Variants in MARK1 observed in about 807,000 individuals in gnomAD.
MARK1 encodes serine/threonine-protein kinase MARK1.
A neutral mutation model predicts 96.3 loss-of-function variants in MARK1; 40 were observed. The observed-to-expected ratio is 0.42, with a 90% CI of 0.32 to 0.54. The LOEUF is 0.54. Ranked by LOEUF, MARK1 falls within the 20% of genes least tolerant of loss-of-function variation. MARK1 has a pLI of 0.16. For synonymous variants in MARK1, 317 were observed against 341.2 expected (o/e 0.93, Z 0.78); for missense variants, 719 against 984.6 (o/e 0.73, Z 3.61).
At chr1:220,639,836 A>G (rs1558316580) in intron 13 of MARK1, among the ~76,000 whole-genome samples, 1 of 152,216 alleles carries the variant, frequency 6.6e-6, no homozygotes, top group Non-Finnish European at 1.5e-5. Context: ...TAATTTAGAG[A>G]GTAGTTATTT....
At chr1:220,539,072 C>G (rs1298591170) in intron 1 of MARK1, among the ~76,000 whole-genome samples, 1 of 152,064 alleles carries the variant, frequency 6.6e-6, no homozygotes, top group Non-Finnish European at 1.5e-5. Context: ...CCTTCTCCTG[C>G]CTAATTGCCT....
intron 3 of MARK1, among the ~76,000 whole-genome samples, chr1:220,585,052 A>G (rs1358989440): frequency 1.3e-5 from 2 of 152,244 alleles, no homozygotes; most frequent in Non-Finnish European, 2.9e-5. Flanking sequence ...TTGTGAAATG[A>G]TATGTAGACT....
At chr1:220,621,682 TA>T (rs1253303527) in intron 9 of MARK1, among the ~76,000 whole-genome samples, 3 of 151,762 alleles carry the variant, frequency 2.0e-5, no homozygotes, top group East Asian at 1.9e-4. Context: ...TTTCCACATT[TA>T]AAAAAAATGG....
chr1:220,537,595 T>C (rs569090269), intron 1 of MARK1, among the ~76,000 whole-genome samples: 1 of 141,394 alleles, frequency 7.1e-6, no homozygotes, highest in South Asian at 2.5e-4. Flanking sequence ...CCTTTGGGTA[T>C]ATACCCAGTA....
intron 7 of MARK1, among the ~76,000 whole-genome samples, chr1:220,617,900 A>C (rs1666845259): frequency 6.6e-6 from 1 of 152,208 alleles, no homozygotes; most frequent in Non-Finnish European, 1.5e-5. Flanking sequence ...ATACCCTATT[A>C]AAATAGAGCT....
chr1:220,604,897 C>T (rs930442039), intron 6 of MARK1, among the ~76,000 whole-genome samples: 6 of 151,988 alleles, frequency 3.9e-5, no homozygotes, highest in Non-Finnish European at 7.4e-5. Flanking sequence ...ATAAAATTTA[C>T]TAAAGTTTAA....
intron 9 of MARK1, among the ~76,000 whole-genome samples, chr1:220,622,707 G>A (rs931393051): frequency 3.9e-5 from 6 of 152,048 alleles, no homozygotes; most frequent in African/African-American, 1.4e-4. Context: ...GACCAGCCTG[G>A]GCAACATGGA....
chr1:220,533,767 A>G (rs1003545671), intron 1 of MARK1, among the ~76,000 whole-genome samples: 2 of 152,102 alleles, frequency 1.3e-5, no homozygotes, highest in African/African-American at 2.4e-5. Flanking sequence ...AGTTATGGGA[A>G]TGTACCAACC....
chr1:220,570,295 A>G (rs1224349517), intron 1 of MARK1, among the ~76,000 whole-genome samples: 1 of 152,094 alleles, frequency 6.6e-6, no homozygotes, highest in African/African-American at 2.4e-5. Flanking sequence ...CTCAGAATGT[A>G]ATGATTATTA....
chr1:220,580,450 TC>T (rs923642675), intron 2 of MARK1, among the ~76,000 whole-genome samples: 6 of 151,940 alleles, frequency 3.9e-5, no homozygotes, highest in Admixed American at 3.3e-4. Flanking sequence ...CACTCCAGCC[TC>T]AGCAACAGAG....
Position 220,657,824 on chromosome 1 carries a change from G to A in MARK1, c.2023G>A (p.Asp675Asn), listed in dbSNP as rs1669258323. The change falls in exon 17 of 18, where the codon GAC (aspartate) becomes AAC (asparagine). Residue 675 changes from aspartate to asparagine, a missense_variant. Transcript: ENST00000366917. ...PSEGEASGRT[D>N]TSRSTSGEPK... ...TGAAGGCGAAGCCAGTGGCAGAACC[G>A]ACACCTCAAGGTGAGGAGCCACTAT... 3 of 1,570,470 alleles carry A rather than the reference G, an allele frequency of 1.9e-6. No individual in the cohort carries two copies. Among genetic ancestry groups the A allele is most frequent in the East Asian group, 2.4e-5 (1 of 42,200 alleles).
At chr1:220,599,659 T>C (rs948358958) in intron 4 of MARK1, 139 bp from the exon 5 acceptor site, 4 of 454,396 alleles carry the variant, frequency 8.8e-6, no homozygotes, top group African/African-American at 6.0e-5. Flanking sequence ...TTTGAGAGAC[T>C]TTTTGAACTT....
chr1:220,654,000 A>C (rs1669040016), intron 16 of MARK1, among the ~76,000 whole-genome samples: 1 of 152,228 alleles, frequency 6.6e-6, no homozygotes. Context: ...GATTTCATCT[A>C]TTCCTGGTCC....
At chr1:220,569,175 G>C (rs1663263882) in intron 1 of MARK1, among the ~76,000 whole-genome samples, 1 of 152,024 alleles carries the variant, frequency 6.6e-6, no homozygotes, top group African/African-American at 2.4e-5. Flanking sequence ...TCACATATAT[G>C]TCCTTTTCTG....
At chr1:220,580,077 G>A (rs1664130634) in intron 2 of MARK1, among the ~76,000 whole-genome samples, 1 of 152,042 alleles carries the variant, frequency 6.6e-6, no homozygotes, top group Non-Finnish European at 1.5e-5. Context: ...TTGCACATAT[G>A]TACGTTGTGT....
chr1:220,626,194 A>G (rs1667319914), intron 9 of MARK1: 1 of 571,410 alleles, frequency 1.8e-6, no homozygotes, highest in Non-Finnish European at 3.4e-6. Flanking sequence ...CTATTACATC[A>G]ATGACATTGT....
chr1:220,546,711 G>A (rs1366296691), intron 1 of MARK1, among the ~76,000 whole-genome samples: 5 of 152,138 alleles, frequency 3.3e-5, no homozygotes, highest in East Asian at 3.9e-4. Flanking sequence ...AGTGGCTCAC[G>A]CCTGTAATCC....
chr1:220,551,191 T>C (rs560325074), intron 1 of MARK1, among the ~76,000 whole-genome samples: 1 of 152,336 alleles, frequency 6.6e-6, no homozygotes, highest in African/African-American at 2.4e-5. Flanking sequence ...CTGAAGCAAG[T>C]GGTCCAGCGG....
intron 1 of MARK1, among the ~76,000 whole-genome samples, chr1:220,530,662 C>T (rs964414533): frequency 1.3e-5 from 2 of 152,100 alleles, no homozygotes; most frequent in African/African-American, 4.8e-5. Context: ...TGCAGCTTCT[C>T]ATGTAAGAAC....
Sources: allele counts gnomAD v4.1 joint callset (sites outside exome capture counted in the v4.1 genomes callset), GRCh38; gene constraint gnomAD v4.1.1; transcripts MANE v1.5; gene names NCBI Gene and HGNC (gene_info 2026-07-23, HGNC 2026-07-21).